FBXL13: variants seen among roughly 807,000 people sequenced by gnomAD.
The protein encoded by FBXL13 is F-box and leucine-rich repeat protein 13.
In FBXL13, 67 loss-of-function variants were observed where a neutral mutation model predicts 83.6. That is an observed-to-expected ratio of 0.80 (90% CI 0.66 to 0.98). The LOEUF is 0.98. Among genes scored for constraint, FBXL13 ranks in the 50% least tolerant of loss-of-function variants. The pLI is 0.00. For missense variants in FBXL13, 822 were observed against 866.5 expected, an observed-to-expected ratio of 0.95 and a Z score of 0.64; for synonymous variants, 272 against 299.5, an observed-to-expected ratio of 0.91 and a Z score of 0.95.
At chr7:103,012,572 G>T (rs978116326) in intron 6 of FBXL13, among the ~76,000 whole-genome samples, 1 of 152,028 alleles carries the variant, frequency 6.6e-6, no homozygotes, top group Non-Finnish European at 1.5e-5. Flanking sequence ...CCTAAACAAC[G>T]GAGAAATAAA....
At chr7:103,015,797 C>CTAAA (rs1792230302) in intron 6 of FBXL13, among the ~76,000 whole-genome samples, 1 of 115,504 alleles carries the variant, frequency 8.7e-6, no homozygotes, top group Admixed American at 9.4e-5. Flanking sequence ...ACTCTCATCT[C>CTAAA]AAAAAAAAAA....
intron 6 of FBXL13, among the ~76,000 whole-genome samples, chr7:103,005,504 C>T (rs1790894233): frequency 6.6e-6 from 1 of 152,138 alleles, no homozygotes; most frequent in Non-Finnish European, 1.5e-5. Flanking sequence ...GACTGGATTG[C>T]TTAAGCAACA....
chr7:103,024,696 A>G (rs913740232), intron 6 of FBXL13, among the ~76,000 whole-genome samples: 1 of 150,538 alleles, frequency 6.6e-6, no homozygotes, highest in African/African-American at 2.4e-5. Flanking sequence ...AGGAATTACA[A>G]TGTAAAAACA....
intron 1 of FBXL13, among the ~76,000 whole-genome samples, chr7:103,073,769 T>TG (rs1309980553): frequency 2.0e-5 from 3 of 152,056 alleles, no homozygotes; most frequent in Non-Finnish European, 2.9e-5. Flanking sequence ...AAGAGACGGG[T>TG]GGGGGGTCTC....
intron 16 of FBXL13, among the ~76,000 whole-genome samples, chr7:102,864,424 A>C (rs911060151): frequency 6.6e-6 from 1 of 151,558 alleles, no homozygotes; most frequent in African/African-American, 2.4e-5. Flanking sequence ...GCTGGAGTGC[A>C]ATGGTGCAAT....
intron 18 of FBXL13, chr7:102,822,437 C>G (rs1798926739): frequency 3.1e-6 from 2 of 642,006 alleles, no homozygotes; most frequent in East Asian, 6.4e-5. Flanking sequence ...TCCATTCTTG[C>G]TATCTTCTCA....
chr7:102,967,998 A>G, intron 7 of FBXL13, 24 bp downstream of exon 8: 1 of 1,547,624 alleles, frequency 6.5e-7, no homozygotes, highest in Non-Finnish European at 8.9e-7. Context: ...GTGTAAAGAC[A>G]TAGTTCAGTT....
chr7:103,027,972 A>C (rs970308611), intron 4 of FBXL13, among the ~76,000 whole-genome samples: 1 of 152,224 alleles, frequency 6.6e-6, no homozygotes, highest in Non-Finnish European at 1.5e-5. Context: ...CACTAATGTT[A>C]AAATTTTCGG....
At chr7:103,052,745 C>G (rs1796943171) in intron 2 of FBXL13, among the ~76,000 whole-genome samples, 1 of 149,526 alleles carries the variant, frequency 6.7e-6, no homozygotes, top group Admixed American at 6.7e-5. Flanking sequence ...ACATCTCTGA[C>G]AATTCCTTTT....
chr7:102,994,743 A>T (rs79196531), intron 6 of FBXL13, among the ~76,000 whole-genome samples: 1,674 of 152,334 alleles, frequency 0.011, 34 homozygotes, highest in African/African-American at 0.039. Context: ...TGACACTTGC[A>T]GAGTTCTGAT....
chr7:102,926,362 T>G (rs1050045953), exon 10 of FBXL13: 2 of 1,613,100 alleles, frequency 1.2e-6, no homozygotes, highest in Admixed American at 1.7e-5. Flanking sequence ...GAAATGTGTC[T>G]CATTGATTCA....
chr7:102,942,200 C>A, intron 8 of FBXL13: 2 of 972,496 alleles, frequency 2.1e-6, no homozygotes, highest in South Asian at 1.6e-5. Context: ...TTTCCTAGAA[C>A]AAAAGTTCTT....
intron 6 of FBXL13, among the ~76,000 whole-genome samples, chr7:102,997,498 T>C (rs921247711): frequency 6.6e-6 from 1 of 152,144 alleles, no homozygotes; most frequent in African/African-American, 2.4e-5. Flanking sequence ...AACTGTACTA[T>C]CAAACACTAA....
chr7:102,815,040 A>C (rs1447758511), intron 19 of FBXL13, among the ~76,000 whole-genome samples: 3 of 152,206 alleles, frequency 2.0e-5, no homozygotes. Flanking sequence ...AGACTTACTG[A>C]AATATAATAC....
intron 18 of FBXL13, among the ~76,000 whole-genome samples, chr7:102,826,048 AT>A (rs199982647): frequency 2.6e-5 from 4 of 151,532 alleles, no homozygotes; most frequent in African/African-American, 7.3e-5. Flanking sequence ...AATATATGTG[AT>A]TTTTTTTTAG....
intron 16 of FBXL13, among the ~76,000 whole-genome samples, chr7:102,877,218 A>G (rs895841040): frequency 3.3e-5 from 5 of 152,198 alleles, no homozygotes; most frequent in African/African-American, 9.6e-5. Flanking sequence ...TCAAATTATC[A>G]TGACATACTC....
intron 8 of FBXL13, among the ~76,000 whole-genome samples, chr7:102,948,354 C>T (rs978819685): frequency 3.9e-5 from 6 of 151,992 alleles, no homozygotes; most frequent in Non-Finnish European, 7.4e-5. Flanking sequence ...CCACTGCGCC[C>T]GGCCAGTAAT....
At chr7:103,073,486 A>G (rs1799231485) in intron 1 of FBXL13, among the ~76,000 whole-genome samples, 1 of 95,310 alleles carries the variant, frequency 1.0e-5, no homozygotes. Context: ...CCGTGTCTCA[A>G]TAATAATGAT....
chr7:102,859,167 G>C (rs1806454338), intron 16 of FBXL13, among the ~76,000 whole-genome samples: 1 of 152,190 alleles, frequency 6.6e-6, no homozygotes, highest in African/African-American at 2.4e-5. Flanking sequence ...GACAAAAATA[G>C]TAGCAAAACG....
Sources: allele counts gnomAD v4.1 joint callset (sites outside exome capture counted in the v4.1 genomes callset), GRCh38; gene constraint gnomAD v4.1.1; transcripts MANE v1.5; gene names NCBI Gene and HGNC (gene_info 2026-07-23, HGNC 2026-07-21).